FLRT2: variants seen among roughly 807,000 people sequenced by gnomAD.
FLRT2 encodes fibronectin leucine rich transmembrane protein 2, also known as leucine-rich repeat transmembrane protein FLRT2.
FLRT2 carries 15 observed loss-of-function variants against 40.0 expected under a neutral mutation model. The observed-to-expected ratio is 0.38, with a 90% CI of 0.25 to 0.58. The LOEUF (loss-of-function observed/expected upper bound fraction) is 0.58, where lower values mean the gene tolerates loss of function less well. Ranked by LOEUF, FLRT2 falls within the 20% of genes least tolerant of loss-of-function variation. The pLI is 0.71. For synonymous variants in FLRT2, 380 were observed against 336.8 expected, an observed-to-expected ratio of 1.13 and a Z score of -1.41; for missense variants, 726 against 840.0, an observed-to-expected ratio of 0.86 and a Z score of 1.68.
intron 1 of FLRT2, among the ~76,000 whole-genome samples, chr14:85,612,925 C>T (rs958262820): frequency 1.2e-4 from 19 of 152,042 alleles, no homozygotes; most frequent in African/African-American, 3.6e-4. Context: ...GTGAAGGAGA[C>T]ATAAGATTTT....
intron 1 of FLRT2, among the ~76,000 whole-genome samples, chr14:85,539,637 T>G (rs1888868078): frequency 1.3e-5 from 2 of 152,308 alleles, no homozygotes; most frequent in Middle Eastern, 3.4e-3. Context: ...GAGACTTAAT[T>G]TCCTCTCTAC....
At chr14:85,544,316 A>T (rs1889154193) in intron 1 of FLRT2, among the ~76,000 whole-genome samples, 1 of 152,234 alleles carries the variant, frequency 6.6e-6, no homozygotes, top group South Asian at 2.1e-4. Context: ...TTGATGATAC[A>T]CCTTTCTTGG....
chr14:85,560,786 C>G (rs1217152562), intron 1 of FLRT2: 4 of 151,388 alleles, frequency 2.6e-5, no homozygotes, highest in Non-Finnish European at 5.9e-5. Flanking sequence ...GTATGGCTAG[C>G]CTGCCTGCGT....
At position 85,651,094 on chromosome 14, in the gene FLRT2, A is replaced by G. The variant is rs1281975994; in HGVS notation, c.*27597A>G. 6.6e-6 allele frequency: 1 copy of G among 152,106 alleles called. No individual in the cohort carries two copies. Among genetic ancestry groups the G allele is most frequent in the East Asian group, 1.9e-4 (1 of 5,200 alleles). 9.4% of individuals were successfully genotyped at this position (152,106 alleles called of 1,614,324 possible). On this transcript the variant is annotated 3_prime_UTR_variant, in exon 2 of 2. Transcript: ENST00000330753. ...CCTCAATCTTTTATATGTAATTTTA[A>G]GTTAATATTCAGCTTTAAACTTTTC...
intron 1 of FLRT2, among the ~76,000 whole-genome samples, chr14:85,585,581 ATG>A (rs879407192): frequency 1.4e-4 from 21 of 148,760 alleles, no homozygotes; most frequent in Non-Finnish European, 2.5e-4. Flanking sequence ...AGAAAGAATC[ATG>A]TGTGTGTGTG....
rs1390319558 is a variant in FLRT2 at position 85,638,170 on chromosome 14, A to C, written c.*14673A>C. The C allele has an allele frequency of 6.6e-6, 1 of 152,206 alleles. No individual in the cohort carries two copies. The highest frequency in any genetic ancestry group is 2.4e-5 in the African/African-American group (1 of 41,430). The allele number at this position is 152,206 out of a possible 1,614,324, so 9.4% of individuals were successfully genotyped here. On this transcript the variant is annotated 3_prime_UTR_variant, in exon 2 of 2. Coordinates refer to ENST00000330753, the MANE Select transcript of FLRT2 (RefSeq NM_013231.6). ...AAGGAGAAATGGAAGAGTTTGGAGC[A>C]CGGGCCATTGCGATGGACAGACGCC...
rs1251468574 is a variant in FLRT2 at position 85,636,409 on chromosome 14, CA to C, written c.*12918del. Reference sequence around the variant, plus strand: ...CCTGCAGAAAAAAAAAAAAAAAAAACAAAAAACATTCTTATTAATCTTAACT... The same window carrying C: ...CCTGCAGAAAAAAAAAAAAAAAAAACAAAAACATTCTTATTAATCTTAACT... On this transcript the variant is annotated 3_prime_UTR_variant, in exon 2 of 2. Coordinates refer to ENST00000330753, the MANE Select transcript of FLRT2 (RefSeq NM_013231.6). 1.2e-5 allele frequency: 1 copy of C among 84,934 alleles called. No homozygotes were observed. The highest frequency in any genetic ancestry group is 2.5e-5 in the Non-Finnish European group (1 of 39,814). The allele number at this position is 84,934 out of a possible 1,614,324, so 5.3% of individuals were successfully genotyped here. A position where few individuals can be genotyped will look rare whatever the true frequency, so the allele number is the denominator to read the frequency against.
intron 1 of FLRT2, among the ~76,000 whole-genome samples, chr14:85,570,951 C>T (rs1890865775): frequency 6.6e-6 from 1 of 152,044 alleles, no homozygotes; most frequent in Admixed American, 6.6e-5. Context: ...CTTGCCTTTT[C>T]TTTGCACTTT....
chr14:85,603,218 G>A (rs987342811), intron 1 of FLRT2, among the ~76,000 whole-genome samples: 4 of 152,096 alleles, frequency 2.6e-5, no homozygotes, highest in Non-Finnish European at 5.9e-5. Context: ...ATTCCCTGAA[G>A]GTACTTGGTA....
chr14:85,605,783 A>G (rs1361349142), intron 1 of FLRT2, among the ~76,000 whole-genome samples: 1 of 152,066 alleles, frequency 6.6e-6, no homozygotes, highest in Non-Finnish European at 1.5e-5. Flanking sequence ...AAAATAAATA[A>G]ATAAAATAAA....
chr14:85,611,501 C>G (rs186323788), intron 1 of FLRT2, among the ~76,000 whole-genome samples: 3 of 152,302 alleles, frequency 2.0e-5, no homozygotes, highest in African/African-American at 2.4e-5. Flanking sequence ...CAGGAAAGCA[C>G]AACATGTGAA....
chr14:85,594,042 AAAAACAAAAC>A (rs147789885), intron 1 of FLRT2, among the ~76,000 whole-genome samples: 5 of 151,176 alleles, frequency 3.3e-5, no homozygotes, highest in African/African-American at 9.7e-5. Flanking sequence ...ACTCTGTCTC[AAAAACAAAAC>A]AAAACAAAAC....
At chr14:85,616,318 G>C (rs1009811202) in intron 1 of FLRT2, among the ~76,000 whole-genome samples, 13 of 84,950 alleles carry the variant, frequency 1.5e-4, no homozygotes, top group African/African-American at 5.2e-4. Flanking sequence ...ATATTTAAAA[G>C]ACAAAAAAAA....
At position 85,622,959 on chromosome 14, in the gene FLRT2, A is replaced by G; in HGVS notation, c.1445A>G (p.Asn482Ser). Residue 482 changes from asparagine to serine, a missense_variant, in exon 2 of 2, where the codon AAC becomes AGC. Asn to Ser is a conservative substitution (Grantham distance 46). Transcript: ENST00000330753. ...GAGAAGCAACACCTGAGCCTGGTTA[A>G]CTTAGAGCCCCGATCCACCTATCGG... Reference protein sequence around the residue: ...SGEKQHLSLVNLEPRSTYRIC... With the variant: ...SGEKQHLSLVSLEPRSTYRIC... 1 of 1,614,180 alleles carries G rather than the reference A, an allele frequency of 6.2e-7. No individual in the cohort carries two copies. Among genetic ancestry groups the G allele is most frequent in the Middle Eastern group, 1.6e-4 (1 of 6,062 alleles).
At chr14:85,588,975 T>C (rs1891763990) in intron 1 of FLRT2, among the ~76,000 whole-genome samples, 1 of 152,210 alleles carries the variant, frequency 6.6e-6, no homozygotes, top group African/African-American at 2.4e-5. Flanking sequence ...GGCTGAATAG[T>C]GCTCCATTTT....
At chr14:85,603,603 C>G (rs1451565719) in intron 1 of FLRT2, among the ~76,000 whole-genome samples, 1 of 152,148 alleles carries the variant, frequency 6.6e-6, no homozygotes, top group Non-Finnish European at 1.5e-5. Context: ...GGCACGGTGG[C>G]TCACCCCTGT....
intron 1 of FLRT2, among the ~76,000 whole-genome samples, chr14:85,554,524 A>G (rs1314152723): frequency 1.3e-5 from 2 of 152,186 alleles, no homozygotes; most frequent in African/African-American, 4.8e-5. Context: ...TGAATCCTCT[A>G]GTCTTTTCCT....
At chr14:85,599,399 C>G (rs543426833) in intron 1 of FLRT2, among the ~76,000 whole-genome samples, 28 of 152,216 alleles carry the variant, frequency 1.8e-4, no homozygotes, top group African/African-American at 6.5e-4. Context: ...ACCAAAGATA[C>G]AACATATTTC....
Position 85,654,197 on chromosome 14 carries a change from T to C in FLRT2, c.*30700T>C, listed in dbSNP as rs902155236. Reference sequence around the variant, plus strand: ...TGTCTTTTTTTAATTGTGATTTGTTTATGACTAACAGCATGGATTTGAGAC... The same window carrying C: ...TGTCTTTTTTTAATTGTGATTTGTTCATGACTAACAGCATGGATTTGAGAC... On this transcript the variant is annotated 3_prime_UTR_variant, in exon 2 of 2. Transcript: ENST00000330753. 2.0e-5 allele frequency: 3 copies of C among 152,194 alleles called. No individual in the cohort carries two copies. Among genetic ancestry groups the C allele is most frequent in the Non-Finnish European group, 4.4e-5 (3 of 68,028 alleles). 9.4% of individuals were successfully genotyped at this position (152,194 alleles called of 1,614,324 possible).
Sources: allele counts gnomAD v4.1 joint callset (sites outside exome capture counted in the v4.1 genomes callset), GRCh38; gene constraint gnomAD v4.1.1; transcripts MANE v1.5; gene names NCBI Gene and HGNC (gene_info 2026-07-23, HGNC 2026-07-21).